LARP4: variants seen among roughly 807,000 people sequenced by gnomAD.
The protein encoded by LARP4 is la-related protein 4.
In LARP4, 29 loss-of-function variants were observed where a neutral mutation model predicts 92.9. The observed-to-expected ratio is 0.31, with a 90% CI of 0.23 to 0.43. The LOEUF is 0.43. Ranked by LOEUF, LARP4 falls within the 20% of genes least tolerant of loss-of-function variation. The pLI is 1.00. For synonymous variants in LARP4, 279 were observed against 284.1 expected, an observed-to-expected ratio of 0.98 and a Z score of 0.18; for missense variants, 732 against 860.0, an observed-to-expected ratio of 0.85 and a Z score of 1.86.
intron 4 of LARP4, among the ~76,000 whole-genome samples, chr12:50,433,272 T>A (rs1449016252): frequency 7.0e-5 from 2 of 28,648 alleles, no homozygotes; most frequent in African/African-American, 8.4e-5. Flanking sequence ...AAACGTGATT[T>A]TTTTTTTTTT....
intron 1 of LARP4, among the ~76,000 whole-genome samples, chr12:50,404,210 G>C (rs1188180712): frequency 6.6e-6 from 1 of 152,132 alleles, no homozygotes; most frequent in Non-Finnish European, 1.5e-5. Context: ...CTGGACAACA[G>C]AGTGAGACTC....
chr12:50,437,670 T>C, intron 5 of LARP4, 65 bp from the exon 6 acceptor site: 1 of 898,772 alleles, frequency 1.1e-6, no homozygotes, highest in Admixed American at 2.2e-5. Context: ...GAATAGTTTC[T>C]TTAATGGCAT....
chr12:50,466,523 A>G (rs1956171515), intron 12 of LARP4, among the ~76,000 whole-genome samples: 1 of 152,074 alleles, frequency 6.6e-6, no homozygotes, highest in Non-Finnish European at 1.5e-5. Context: ...AAAAGGCAGG[A>G]GGATTACTTG....
intron 1 of LARP4, among the ~76,000 whole-genome samples, chr12:50,409,764 C>CA (rs71083566): frequency 0.02 from 2,436 of 120,520 alleles, 39 homozygotes; most frequent in Non-Finnish European, 0.033. Flanking sequence ...GATTCTGTCT[C>CA]AAAAAAAAAA....
Position 50,467,012 on chromosome 12 carries a change from A to G in LARP4, c.1437A>G (p.Leu479=). 2 of 1,613,720 alleles carry G rather than the reference A, an allele frequency of 1.2e-6. No individual in the cohort carries two copies. The highest frequency in any genetic ancestry group is 1.7e-6 in the Non-Finnish European group (2 of 1,179,784). Residue 479 remains leucine, a synonymous_variant, in exon 13 of 16, where the codon TTA becomes TTG. Coordinates refer to ENST00000398473, the MANE Select transcript of LARP4 (RefSeq NM_052879.5). ...AGGCTCCAACACCAAAGTTTGACTT[A>G]TTAGCCTCAAATTTTCCACCTTTAC... ...ESKAPTPKFD[L]LASNFPPLPG...
At position 50,475,634 on chromosome 12, in the gene LARP4, A is replaced by C; in HGVS notation, c.1945A>C (p.Thr649Pro). 6.2e-7 allele frequency: 1 copy of C among 1,614,168 alleles called. No homozygotes were observed. The highest frequency in any genetic ancestry group is 8.5e-7 in the Non-Finnish European group (1 of 1,180,028). ...ACTTCGCTCCAATGTGGTGTCTCCC[A>C]CCAAAAATGAAGACAATGGAGCTCC... ...RELRSNVVSP[T>P]KNEDNGAPEN... The change falls in exon 16 of 16, where the codon ACC (threonine) becomes CCC (proline). Residue 649 changes from threonine to proline, a missense_variant. Coordinates refer to ENST00000398473, the MANE Select transcript of LARP4 (RefSeq NM_052879.5).
chr12:50,451,934 C>T (rs752359582), intron 8 of LARP4, among the ~76,000 whole-genome samples: 1 of 151,920 alleles, frequency 6.6e-6, no homozygotes, highest in Non-Finnish European at 1.5e-5. Context: ...AACCAGGTGG[C>T]GGAGGTTGCA....
chr12:50,439,821 A>G (rs1383090349), intron 6 of LARP4, among the ~76,000 whole-genome samples: 2 of 151,528 alleles, frequency 1.3e-5, no homozygotes, highest in Non-Finnish European at 2.9e-5. Context: ...CAGTTTTACC[A>G]TTTTGAGTTT....
At chr12:50,421,210 A>C in intron 1 of LARP4, 4 of 884,792 alleles carry the variant, frequency 4.5e-6, no homozygotes, top group Non-Finnish European at 5.4e-6. Flanking sequence ...TGGCCTCTCA[A>C]AGTGCTTTGA....
At chr12:50,452,325 G>C (rs1303083081) in intron 8 of LARP4, among the ~76,000 whole-genome samples, 1 of 152,052 alleles carries the variant, frequency 6.6e-6, no homozygotes, top group African/African-American at 2.4e-5. Context: ...GGGATTACAG[G>C]CGTGTGCCAC....
rs778472585 is a variant in LARP4, at chr12:50,453,456, C to T, written c.805-4C>T. On this transcript the variant is annotated splice_region_variant and splice_polypyrimidine_tract_variant and intron_variant, in intron 8 of 15. Coordinates refer to ENST00000398473, the MANE Select transcript of LARP4 (RefSeq NM_052879.5). ...TTTGTTGCTATAATGTGTTCCTCTTCTAGGCAAGGATAAAAGCCATCAATA... is the reference window on the plus strand; with the variant it reads ...TTTGTTGCTATAATGTGTTCCTCTTTTAGGCAAGGATAAAAGCCATCAATA... The T allele has an allele frequency of 1.9e-6, 3 of 1,567,506 alleles. No individual in the cohort carries two copies. The highest frequency in any genetic ancestry group is 2.6e-6 in the Non-Finnish European group (3 of 1,138,858).
chr12:50,460,532 C>G (rs964542450), intron 10 of LARP4, among the ~76,000 whole-genome samples: 7 of 152,078 alleles, frequency 4.6e-5, no homozygotes, highest in Non-Finnish European at 8.8e-5. Flanking sequence ...CTGTGTTGCC[C>G]CAGCTGGTGT....
At chr12:50,450,458 T>C (rs1952985711) in intron 8 of LARP4, among the ~76,000 whole-genome samples, 1 of 152,224 alleles carries the variant, frequency 6.6e-6, no homozygotes, top group Non-Finnish European at 1.5e-5. Flanking sequence ...TTAGTTTTTA[T>C]GTTTTAAGAC....
chr12:50,444,390 A>C (rs1466284450), intron 8 of LARP4, among the ~76,000 whole-genome samples: 4 of 152,044 alleles, frequency 2.6e-5, no homozygotes, highest in Non-Finnish European at 5.9e-5. Context: ...ATTATAAGTA[A>C]TGTTTTTCTC....
At chr12:50,422,948 G>A (rs750554853) in intron 1 of LARP4, among the ~76,000 whole-genome samples, 13 of 151,914 alleles carry the variant, frequency 8.6e-5, no homozygotes, top group Non-Finnish European at 1.6e-4. Flanking sequence ...CTCCCAAGGA[G>A]CTGGGATTAC....
intron 1 of LARP4, among the ~76,000 whole-genome samples, chr12:50,425,596 C>T (rs1448813537): frequency 1.3e-5 from 2 of 152,152 alleles, no homozygotes; most frequent in African/African-American, 2.4e-5. Context: ...GAGTTTATCA[C>T]CCTTAGGGGT....
At chr12:50,472,232 G>A (rs1406226484) in intron 13 of LARP4, among the ~76,000 whole-genome samples, 1 of 152,198 alleles carries the variant, frequency 6.6e-6, no homozygotes, top group South Asian at 2.1e-4. Flanking sequence ...GTACAGTTTT[G>A]TAGTATTAAG....
intron 10 of LARP4, among the ~76,000 whole-genome samples, chr12:50,460,603 C>G (rs1315858554): frequency 6.6e-6 from 1 of 152,058 alleles, no homozygotes; most frequent in Non-Finnish European, 1.5e-5. Flanking sequence ...AGATTACAGG[C>G]GTGAGCCACT....
In LARP4 at chr12:50,428,516, A is replaced by G. The variant is rs143539253; in HGVS notation, c.167-419A>G. 1.1e-4 allele frequency among the ~76,000 whole-genome samples: 16 copies of G among 152,276 alleles called. No individual in the cohort carries two copies. In the East Asian group the frequency reaches 2.9e-3, roughly 28 times the overall value. On this transcript the variant is annotated intron_variant, in intron 2 of 15. Coordinates refer to ENST00000398473, the MANE Select transcript of LARP4 (RefSeq NM_052879.5). ...TTTGGGTCCAGCATGCAACCCATCT[A>G]TAATAATTATATTTATAAATTAGTT...
Sources: gnomAD v4.1 joint callset for allele counts (sites outside exome capture counted in the v4.1 genomes callset) on GRCh38, gnomAD v4.1.1 for gene constraint, MANE v1.5 for transcripts, NCBI Gene and HGNC (gene_info 2026-07-23, HGNC 2026-07-21) for gene names.